The following ADGRV1 variants were observed in gnomAD, a reference collection of about 807,000 sequenced individuals.
The protein encoded by ADGRV1 is G-protein coupled receptor 98.
In ADGRV1, 359 loss-of-function variants were observed where a neutral mutation model predicts 596.2. The observed-to-expected ratio is 0.60, with a 90% CI of 0.55 to 0.66. The LOEUF is 0.66. Ranked by LOEUF, ADGRV1 falls within the 30% of genes least tolerant of loss-of-function variation. The probability of loss-of-function intolerance (pLI) is 0.00; values close to 1 mark genes in which losing one functional copy is unlikely to be tolerated. For synonymous variants in ADGRV1, 2,681 were observed against 2,679.2 expected (o/e 1.00, Z -0.02); for missense variants, 7,274 against 7,575.6 (o/e 0.96, Z 1.48).
intron 59 of ADGRV1, among the ~76,000 whole-genome samples, chr5:90,768,743 CG>C (rs1211523089): frequency 6.6e-6 from 1 of 152,102 alleles, no homozygotes; most frequent in Non-Finnish European, 1.5e-5. Flanking sequence ...TACAACTCTC[CG>C]GAACTGATGA....
chr5:90,879,739 G>GA (rs1389344843), intron 83 of ADGRV1, among the ~76,000 whole-genome samples: 1 of 152,080 alleles, frequency 6.6e-6, no homozygotes, highest in East Asian at 1.9e-4. Context: ...TTGAGGTCAG[G>GA]AATTTGTGAC....
At chr5:90,628,948 G>T in intron 8 of ADGRV1, 116 bp downstream of exon 8, 1 of 953,486 alleles carries the variant, frequency 1.0e-6, no homozygotes. Flanking sequence ...AAAAACACTG[G>T]CTTTGCAAAT....
At chr5:90,910,608 C>T (rs1466308394) in intron 83 of ADGRV1, among the ~76,000 whole-genome samples, 3 of 147,560 alleles carry the variant, frequency 2.0e-5, no homozygotes, top group Admixed American at 6.8e-5. Flanking sequence ...TCTATACACC[C>T]GCACACACCT....
chr5:91,162,276 C>A (rs543092267), intron 89 of ADGRV1, among the ~76,000 whole-genome samples: 168 of 152,146 alleles, frequency 1.1e-3, no homozygotes, highest in African/African-American at 3.5e-3. Flanking sequence ...AGGACATAAT[C>A]CAGTGGGGGG....
intron 84 of ADGRV1, among the ~76,000 whole-genome samples, chr5:90,966,770 C>T (rs1305158969): frequency 6.6e-6 from 1 of 151,982 alleles, no homozygotes; most frequent in East Asian, 1.9e-4. Flanking sequence ...CTGATTTGGT[C>T]GATAAAGAGG....
intron 64 of ADGRV1, among the ~76,000 whole-genome samples, chr5:90,780,739 C>A (rs1046430371): frequency 1.3e-5 from 2 of 151,766 alleles, no homozygotes; most frequent in Non-Finnish European, 2.9e-5. Flanking sequence ...CTTGCTGTGT[C>A]ACCCAGGACA....
chr5:90,703,578 G>A (rs903170329), intron 34 of ADGRV1, 87 bp from the exon 35 acceptor site: 2 of 925,432 alleles, frequency 2.2e-6, no homozygotes, highest in Non-Finnish European at 3.3e-6. Context: ...TGTAATAGTT[G>A]CATGCTTGGG....
chr5:90,871,289 G>T (rs11738573), intron 83 of ADGRV1, among the ~76,000 whole-genome samples: 36,668 of 151,830 alleles, frequency 0.24, 5,059 homozygotes, highest in Non-Finnish European at 0.32. Context: ...TTTTATTTTT[G>T]CTTTCTTTTT....
chr5:90,658,677 A>ATTTTTTTTTTTT (rs4019486), intron 21 of ADGRV1, among the ~76,000 whole-genome samples: 1 of 148,492 alleles, frequency 6.7e-6, no homozygotes, highest in Non-Finnish European at 1.5e-5. Flanking sequence ...TGATTTTTTG[A>ATTTTTTTTTTTT]TTTTTTTTTT....
At position 90,703,719 on chromosome 5, in the gene ADGRV1, C is replaced by T. The variant is rs762049726; in HGVS notation, c.8210C>T (p.Thr2737Ile). ...IRTFPGRGNV[T>I]VNWKIIGQNL... ...ACTTTCCCTGGTCGAGGAAATGTTA[C>T]TGTTAACTGGAAAATTATTGGGCAA... The change falls in exon 35 of 90, where the codon ACT (threonine) becomes ATT (isoleucine). Residue 2737 changes from threonine to isoleucine, a missense_variant. Physicochemically the swap from Thr to Ile is moderately conservative, Grantham distance 89. This residue lies in a region of ADGRV1 where 3,643 missense variants were observed against 3,809.2 expected (regional missense o/e 0.96). Coordinates refer to ENST00000405460, the MANE Select transcript of ADGRV1 (RefSeq NM_032119.4). 4 of 1,604,434 alleles carry T rather than the reference C, an allele frequency of 2.5e-6. No homozygotes were observed. The African/African-American group carries it at 4.0e-5, about 16-fold the overall frequency.
At chr5:91,157,867 A>T (rs1796601241) in intron 89 of ADGRV1, among the ~76,000 whole-genome samples, 1 of 152,208 alleles carries the variant, frequency 6.6e-6, no homozygotes, top group African/African-American at 2.4e-5. Context: ...GGCATCATGT[A>T]CCACAAGTTA....
chr5:90,650,303 C>A (rs1305886164), intron 17 of ADGRV1, among the ~76,000 whole-genome samples: 1 of 152,182 alleles, frequency 6.6e-6, no homozygotes, highest in African/African-American at 2.4e-5. Flanking sequence ...TTTTCAGCAC[C>A]ACTGGGACAT....
intron 1 of ADGRV1, among the ~76,000 whole-genome samples, chr5:90,596,239 G>A (rs1352463112): frequency 1.3e-5 from 2 of 151,330 alleles, no homozygotes; most frequent in African/African-American, 2.4e-5. Context: ...GATGGCGGCC[G>A]GGAAGAGGCG....
chr5:91,053,471 C>CCTGAAAGCAGGG (rs1786536038), intron 85 of ADGRV1, among the ~76,000 whole-genome samples: 2 of 152,164 alleles, frequency 1.3e-5, no homozygotes, highest in Admixed American at 1.3e-4. Context: ...TTGTTATCTT[C>CCTGAAAGCAGGG]CTGAAAATCT....
intron 86 of ADGRV1, among the ~76,000 whole-genome samples, chr5:91,078,891 G>A (rs370623270): frequency 6.0e-4 from 92 of 152,340 alleles, no homozygotes; most frequent in African/African-American, 2.0e-3. Context: ...GAAGCAGTCA[G>A]TAGCTGAAAC....
intron 83 of ADGRV1, among the ~76,000 whole-genome samples, chr5:90,864,761 C>G (rs952049051): frequency 1.3e-5 from 2 of 152,050 alleles, no homozygotes; most frequent in African/African-American, 2.4e-5. Flanking sequence ...ATATAATGCT[C>G]TTATGGAGAT....
intron 87 of ADGRV1, among the ~76,000 whole-genome samples, chr5:91,148,715 C>T (rs1562280273): frequency 6.6e-6 from 1 of 152,104 alleles, no homozygotes; most frequent in East Asian, 1.9e-4. Context: ...TTCTAGACCC[C>T]AGAATGGTTT....
Position 91,058,080 on chromosome 5 carries a change from T to C in ADGRV1, c.18153-14367T>C, listed in dbSNP as rs79808076. On this transcript the variant is annotated intron_variant, in intron 85 of 89. Transcript: ENST00000405460. ...TAGATTATTTGCAGAATATGGTCCC[T>C]GAAAACATTTTAGGTTATTTTTCCA... Among the ~76,000 whole-genome samples the C allele has an allele frequency of 4.4e-4, 67 of 152,344 alleles. 2 individuals carry two copies. The East Asian group carries it at 0.012, about 26-fold the overall frequency.
chr5:90,811,382 A>G, intron 74 of ADGRV1, 44 bp downstream of exon 74: 1 of 1,478,126 alleles, frequency 6.8e-7, no homozygotes, highest in Non-Finnish European at 9.1e-7. Context: ...CTTTTATGGT[A>G]CATAATTTGT....
Sources: gnomAD v4.1 joint callset for allele counts (sites outside exome capture counted in the v4.1 genomes callset) on GRCh38, gnomAD v4.1.1 for gene constraint, gnomAD v4.1.1 regional missense constraint, MANE v1.5 for transcripts, NCBI Gene and HGNC (gene_info 2026-07-23, HGNC 2026-07-21) for gene names.